The following HDAC4 variants were observed in gnomAD, a reference collection of about 807,000 sequenced individuals.
HDAC4 encodes histone deacetylase A.
A neutral mutation model predicts 135.1 loss-of-function variants in HDAC4; 16 were observed. That is an observed-to-expected ratio of 0.12 (90% confidence interval 0.08 to 0.18). The LOEUF is 0.18. Ranked by LOEUF, HDAC4 falls within the 10% of genes least tolerant of loss-of-function variation. The pLI is 1.00. For missense variants in HDAC4, 1,143 were observed against 1,511.8 expected (o/e 0.76, Z 4.05); for synonymous variants, 685 against 653.4 (o/e 1.05, Z -0.74).
At chr2:239,155,713 G>A (rs2042383124) in intron 7 of HDAC4, 1 of 152,278 alleles carries the variant, frequency 6.6e-6, no homozygotes, top group African/African-American at 2.4e-5. Flanking sequence ...AAAACCTTTG[G>A]ATAACAGAGA....
At chr2:239,263,841 C>T (rs1195561662) in intron 2 of HDAC4, among the ~76,000 whole-genome samples, 3 of 152,200 alleles carry the variant, frequency 2.0e-5, no homozygotes, top group Non-Finnish European at 4.4e-5. Flanking sequence ...AGCCTCGCCT[C>T]CTGCTGCTCG....
At chr2:239,162,195 CTGCCCGTGCT>C in intron 6 of HDAC4, 2 of 456,800 alleles carry the variant, frequency 4.4e-6, no homozygotes, top group Non-Finnish European at 8.8e-6. Flanking sequence ...TCAGAAAGGG[CTGCCCGTGCT>C]TGCCCCACTC....
chr2:239,264,702 T>C (rs886812658), intron 2 of HDAC4, among the ~76,000 whole-genome samples: 4 of 152,236 alleles, frequency 2.6e-5, no homozygotes, highest in South Asian at 2.1e-4. Flanking sequence ...CCAAGGTCTC[T>C]AGAAGCCCCG....
At chr2:239,192,026 C>A (rs2044999517) in intron 3 of HDAC4, among the ~76,000 whole-genome samples, 1 of 152,238 alleles carries the variant, frequency 6.6e-6, no homozygotes, top group African/African-American at 2.4e-5. Flanking sequence ...CAACCCCCAA[C>A]TTTTAAAATG....
chr2:239,117,699 C>T (rs1559461178), intron 12 of HDAC4, among the ~76,000 whole-genome samples: 2 of 152,094 alleles, frequency 1.3e-5, no homozygotes, highest in South Asian at 2.1e-4. Context: ...GAAAGAACGT[C>T]CCACAATCCC....
At chr2:239,140,313 G>A (rs1357951991) in intron 8 of HDAC4, among the ~76,000 whole-genome samples, 1 of 152,160 alleles carries the variant, frequency 6.6e-6, no homozygotes, top group Non-Finnish European at 1.5e-5. Context: ...CCGTGCTACT[G>A]GAAAACACAC....
chr2:239,066,939 A>G, intron 23 of HDAC4, 84 bp from the exon 24 acceptor site: 1 of 1,524,586 alleles, frequency 6.6e-7, no homozygotes, highest in Non-Finnish European at 8.9e-7. Flanking sequence ...ATGGCATCGT[A>G]AGAAGACTGG....
chr2:239,056,346 C>T (rs1485838938), intron 24 of HDAC4, among the ~76,000 whole-genome samples: 2 of 152,188 alleles, frequency 1.3e-5, no homozygotes, highest in Admixed American at 6.5e-5. Flanking sequence ...CGGTCCAAGG[C>T]TGGGGCGGGG....
At chr2:239,236,448 AG>A in intron 3 of HDAC4, 144 bp downstream of exon 3, 1 of 663,770 alleles carries the variant, frequency 1.5e-6, no homozygotes, top group Admixed American at 2.4e-5. Context: ...TTTTACCACC[AG>A]GAAGAGCACC....
intron 2 of HDAC4, among the ~76,000 whole-genome samples, chr2:239,271,967 A>G (rs2050084724): frequency 6.6e-6 from 1 of 151,970 alleles, no homozygotes; most frequent in Non-Finnish European, 1.5e-5. Flanking sequence ...ATTCCAACAA[A>G]CTCTGCACAG....
At chr2:239,140,246 C>T (rs903107102) in intron 8 of HDAC4, among the ~76,000 whole-genome samples, 5 of 152,190 alleles carry the variant, frequency 3.3e-5, no homozygotes, top group African/African-American at 1.2e-4. Flanking sequence ...CTCTCATTTT[C>T]CCTACATAGC....
intron 2 of HDAC4, among the ~76,000 whole-genome samples, chr2:239,253,498 C>T (rs969187848): frequency 4.6e-5 from 7 of 152,196 alleles, no homozygotes; most frequent in South Asian, 2.1e-4. Context: ...TGAATTAACA[C>T]GCGCCTGTAG....
At chr2:239,377,956 A>G (rs778294539) in intron 1 of HDAC4, among the ~76,000 whole-genome samples, 12 of 152,140 alleles carry the variant, frequency 7.9e-5, no homozygotes, top group African/African-American at 1.7e-4. Flanking sequence ...TTTCCCTGAA[A>G]TAGGAGTTCT....
chr2:239,149,515 G>A (rs115500207), intron 7 of HDAC4, among the ~76,000 whole-genome samples: 2,544 of 152,196 alleles, frequency 0.017, 82 homozygotes, highest in African/African-American at 0.058. Context: ...CAAAGACGAT[G>A]CCCCACAGAA....
intron 24 of HDAC4, among the ~76,000 whole-genome samples, chr2:239,060,439 G>A (rs990075530): frequency 6.6e-6 from 1 of 152,188 alleles, no homozygotes; most frequent in African/African-American, 2.4e-5. Context: ...ATAGAAAAAC[G>A]GGTTGACATG....
chr2:239,134,819 T>C (rs987778207), intron 9 of HDAC4, among the ~76,000 whole-genome samples, 176 bp from the exon 10 acceptor site: 2 of 152,200 alleles, frequency 1.3e-5, no homozygotes, highest in Non-Finnish European at 2.9e-5. Context: ...TGCCACAACA[T>C]GAAAGCACAA....
chr2:239,060,111 C>A (rs2032462039), intron 24 of HDAC4, among the ~76,000 whole-genome samples: 1 of 152,240 alleles, frequency 6.6e-6, no homozygotes, highest in Non-Finnish European at 1.5e-5. Context: ...CTCAGTGTGT[C>A]ACATGGCACT....
chr2:239,230,611 G>T (rs2047497108), intron 3 of HDAC4, among the ~76,000 whole-genome samples: 1 of 152,168 alleles, frequency 6.6e-6, no homozygotes, highest in Non-Finnish European at 1.5e-5. Flanking sequence ...TTCCGTGGGG[G>T]CCACTCGAGG....
chr2:239,148,586 G>A (rs1347796681), intron 7 of HDAC4, among the ~76,000 whole-genome samples: 1 of 152,198 alleles, frequency 6.6e-6, no homozygotes, highest in Non-Finnish European at 1.5e-5. Flanking sequence ...TGAAAACCCT[G>A]CAGGAAACCC....
Sources: allele counts gnomAD v4.1 joint callset (sites outside exome capture counted in the v4.1 genomes callset), GRCh38; gene constraint gnomAD v4.1.1; transcripts MANE v1.5; gene names NCBI Gene and HGNC (gene_info 2026-07-23, HGNC 2026-07-21).